The following TRIM37 variants were observed in gnomAD, a reference collection of about 807,000 sequenced individuals.
The protein encoded by TRIM37 is tripartite motif containing 37.
A neutral mutation model predicts 129.8 loss-of-function variants in TRIM37; 80 were observed. The observed-to-expected ratio is 0.62, with a 90% CI of 0.51 to 0.74. TRIM37 has a LOEUF of 0.74. Among genes scored for constraint, TRIM37 ranks in the 30% least tolerant of loss-of-function variants. The pLI is 0.00. For missense variants in TRIM37, 1,054 were observed against 1,176.5 expected, an observed-to-expected ratio of 0.90 and a Z score of 1.52; for synonymous variants, 389 against 387.1, an observed-to-expected ratio of 1.00 and a Z score of -0.06.
chr17:59,021,174 T>C (rs1339793878), intron 19 of TRIM37, among the ~76,000 whole-genome samples: 1 of 152,084 alleles, frequency 6.6e-6, no homozygotes, highest in African/African-American at 2.4e-5. Context: ...AGTGGATCAT[T>C]TGAGGTCAGG....
chr17:58,982,796 A>T, exon 25 of TRIM37: 1 of 917,766 alleles, frequency 1.1e-6, no homozygotes, highest in Non-Finnish European at 1.7e-6. Flanking sequence ...CCCCAACTAT[A>T]GTGCCGGAAC....
In TRIM37 at chr17:58,999,173, T is replaced by C. The variant is rs2033347454; in HGVS notation, c.*204A>G. 8.5e-6 allele frequency: 12 copies of C among 1,419,256 alleles called. No homozygotes were observed. In the South Asian group the frequency reaches 1.6e-4, roughly 19 times the overall value. The allele number at this position is 1,419,256 out of a possible 1,614,324, so 87.9% of individuals were successfully genotyped here. A position where few individuals can be genotyped will look rare whatever the true frequency, so the allele number is the denominator to read the frequency against. ...TATTTCCTTACATTACAAAGAACTCTTCCCATACTGTTTTTCCCATGTACT... is the reference window on the plus strand; with the variant it reads ...TATTTCCTTACATTACAAAGAACTCCTCCCATACTGTTTTTCCCATGTACT... On this transcript the variant is annotated 3_prime_UTR_variant, in exon 24 of 24. Transcript: ENST00000262294.
chr17:59,025,642 C>T (rs906026415), intron 19 of TRIM37, among the ~76,000 whole-genome samples: 15 of 152,070 alleles, frequency 9.9e-5, no homozygotes, highest in African/African-American at 3.4e-4. Flanking sequence ...CGAAAGTTGG[C>T]CCTCCTATAT....
At chr17:59,051,089 G>GA (rs2040298018) in intron 14 of TRIM37, 125 bp downstream of exon 14, 2 of 704,490 alleles carry the variant, frequency 2.8e-6, no homozygotes, top group Non-Finnish European at 4.8e-6. Flanking sequence ...AAGATAACTA[G>GA]ATTTTTTTTC....
the TRIM37 span, among the ~76,000 whole-genome samples, chr17:58,971,286 T>C: frequency 6.6e-6 from 1 of 152,102 alleles, no homozygotes; most frequent in Non-Finnish European, 1.5e-5. Flanking sequence ...AAACTTTCCC[T>C]ATATAGGGAA....
intron 17 of TRIM37, among the ~76,000 whole-genome samples, chr17:59,037,136 C>CA (rs2038611169): frequency 6.6e-6 from 1 of 151,330 alleles, no homozygotes; most frequent in East Asian, 2.0e-4. Context: ...CAAAACAAAA[C>CA]AAAAACAAAA....
intron 17 of TRIM37, among the ~76,000 whole-genome samples, chr17:59,035,241 A>G (rs1043008064): frequency 4.0e-5 from 6 of 151,510 alleles, no homozygotes; most frequent in South Asian, 2.1e-4. Flanking sequence ...TTCTACTTTC[A>G]GTAGAAATGA....
intron 13 of TRIM37, among the ~76,000 whole-genome samples, chr17:59,054,176 T>C (rs1312856687): frequency 1.3e-5 from 2 of 152,248 alleles, no homozygotes; most frequent in Non-Finnish European, 2.9e-5. Flanking sequence ...GAGAACTTTT[T>C]AAACTGTTAA....
intron 19 of TRIM37, among the ~76,000 whole-genome samples, chr17:59,020,050 G>A (rs1272058087): frequency 1.3e-5 from 2 of 151,702 alleles, no homozygotes; most frequent in Admixed American, 6.6e-5. Flanking sequence ...GGCCAGCATG[G>A]TGAAACCCCA....
At chr17:59,070,142 C>T (rs941534665) in intron 9 of TRIM37, among the ~76,000 whole-genome samples, 7 of 152,180 alleles carry the variant, frequency 4.6e-5, no homozygotes, top group African/African-American at 1.7e-4. Context: ...ATTCCAACAT[C>T]TAGTCAGAAA....
intron 4 of TRIM37, among the ~76,000 whole-genome samples, chr17:59,086,619 A>G (rs2043778062): frequency 6.6e-6 from 1 of 152,252 alleles, no homozygotes; most frequent in South Asian, 2.1e-4. Flanking sequence ...TTTATATTTT[A>G]TATTTCTAAT....
intron 4 of TRIM37, among the ~76,000 whole-genome samples, chr17:59,087,458 C>CTTTTTTTTTT (rs56956832): frequency 1.5e-5 from 2 of 130,820 alleles, no homozygotes; most frequent in Non-Finnish European, 3.2e-5. Context: ...AAGCCTCTTT[C>CTTTTTTTTTT]TTTTTTTTTT....
chr17:59,047,552 G>C, intron 16 of TRIM37, 131 bp downstream of exon 16: 1 of 910,400 alleles, frequency 1.1e-6, no homozygotes, highest in Non-Finnish European at 1.7e-6. Context: ...AGAGATTAGA[G>C]AGAGAAAACT....
intron 3 of TRIM37, among the ~76,000 whole-genome samples, chr17:59,090,292 G>C (rs1424615398): frequency 6.6e-6 from 1 of 151,762 alleles, no homozygotes; most frequent in Non-Finnish European, 1.5e-5. Context: ...ATACAATCAA[G>C]AAAAGATATC....
chr17:58,975,535 T>A, the TRIM37 span, among the ~76,000 whole-genome samples: 1 of 152,160 alleles, frequency 6.6e-6, no homozygotes, highest in Non-Finnish European at 1.5e-5. Flanking sequence ...ATAGAGTGAC[T>A]TTTGAGTTGA....
chr17:59,028,078 T>C (rs1433643849), intron 19 of TRIM37, among the ~76,000 whole-genome samples: 1 of 152,172 alleles, frequency 6.6e-6, no homozygotes, highest in African/African-American at 2.4e-5. Context: ...CACTCCTCGG[T>C]TGTTTCCTTC....
intron 11 of TRIM37, among the ~76,000 whole-genome samples, chr17:59,062,299 G>C (rs1055077004): frequency 2.6e-5 from 4 of 152,114 alleles, no homozygotes; most frequent in Non-Finnish European, 5.9e-5. Context: ...ACTAGCCTTA[G>C]AATATAAAAG....
At chr17:59,051,607 T>C (rs912038308) in intron 13 of TRIM37, among the ~76,000 whole-genome samples, 3 of 152,212 alleles carry the variant, frequency 2.0e-5, no homozygotes, top group African/African-American at 7.2e-5. Context: ...TATAATAATG[T>C]AACTAAAATA....
In TRIM37 at chr17:59,106,607, G is replaced by T; in HGVS notation, c.-146C>A. On this transcript the variant is annotated 5_prime_UTR_variant, in exon 1 of 24. Coordinates refer to ENST00000262294, the MANE Select transcript of TRIM37 (RefSeq NM_015294.6). ...GCTCTGACAACCGCCCCACCTGCGC[G>T]CCCCATCTCTTCAGGTCCAGCGCCG... The T allele has an allele frequency of 1.1e-6, 1 of 937,808 alleles. No homozygotes were observed. The highest frequency in any genetic ancestry group is 1.7e-6 in the Non-Finnish European group (1 of 599,544). 58.1% of individuals were successfully genotyped at this position (937,808 alleles called of 1,614,324 possible).
Sources: allele counts gnomAD v4.1 joint callset (sites outside exome capture counted in the v4.1 genomes callset), GRCh38; gene constraint gnomAD v4.1.1; transcripts MANE v1.5; gene names NCBI Gene and HGNC (gene_info 2026-07-23, HGNC 2026-07-21).